Variants in TMEM161B observed in about 807,000 individuals in gnomAD.
TMEM161B encodes transmembrane protein 161B.
A neutral mutation model predicts 61.8 loss-of-function variants in TMEM161B; 34 were observed. That is an observed-to-expected ratio of 0.55 (90% CI 0.42 to 0.73). The LOEUF (loss-of-function observed/expected upper bound fraction) is 0.73, where lower values mean the gene tolerates loss of function less well. TMEM161B is among the 30% of genes least tolerant of loss of function. The pLI, the probability that TMEM161B is intolerant of heterozygous loss-of-function variation, is 0.00. For missense variants in TMEM161B, 456 were observed against 558.5 expected (o/e 0.82, Z 1.85); for synonymous variants, 167 against 192.8 (o/e 0.87, Z 1.11).
chr5:88,191,650 G>A (rs1748868183), downstream of TMEM161B, among the ~76,000 whole-genome samples: 1 of 152,022 alleles, frequency 6.6e-6, no homozygotes, highest in African/African-American at 2.4e-5. Flanking sequence ...AGAGAAATCA[G>A]TTATCAGATT....
intron 8 of TMEM161B, among the ~76,000 whole-genome samples, chr5:88,204,563 C>T (rs1446677262): frequency 6.6e-6 from 1 of 152,128 alleles, no homozygotes; most frequent in African/African-American, 2.4e-5. Flanking sequence ...ACAGCGGTTT[C>T]AGTAGCTTGT....
chr5:88,188,865 T>A (rs991442374), downstream of TMEM161B, among the ~76,000 whole-genome samples: 6 of 152,160 alleles, frequency 3.9e-5, no homozygotes, highest in African/African-American at 1.4e-4. Context: ...GGCCGGGTCA[T>A]CAGTGGCACC....
At chr5:88,206,954 A>C in intron 6 of TMEM161B, 75 bp downstream of exon 6, 1 of 1,305,652 alleles carries the variant, frequency 7.7e-7, no homozygotes, top group Non-Finnish European at 1.1e-6. Context: ...CAGACATAAA[A>C]CTTAAATACT....
chr5:88,250,268 A>G (rs144798095), intron 1 of TMEM161B, among the ~76,000 whole-genome samples: 10 of 152,164 alleles, frequency 6.6e-5, no homozygotes, highest in Non-Finnish European at 1.0e-4. Context: ...TTAGCTTGCC[A>G]GGTTTCTGGT....
At chr5:88,238,392 G>C (rs910794473) in intron 2 of TMEM161B, among the ~76,000 whole-genome samples, 2 of 151,800 alleles carry the variant, frequency 1.3e-5, no homozygotes, top group African/African-American at 4.8e-5. Flanking sequence ...TGGAATAAAT[G>C]AATATTAACA....
At chr5:88,197,966 C>A (rs756165689) in intron 10 of TMEM161B, 12 of 410,864 alleles carry the variant, frequency 2.9e-5, no homozygotes, top group Non-Finnish European at 4.4e-5. Context: ...GTTTTTAGAA[C>A]GTGAGAATAT....
At chr5:88,218,179 A>G (rs935487000) in intron 5 of TMEM161B, among the ~76,000 whole-genome samples, 3 of 152,182 alleles carry the variant, frequency 2.0e-5, no homozygotes, top group African/African-American at 7.2e-5. Flanking sequence ...ATTCTTGGGA[A>G]ACCAGTTGAG....
chr5:88,242,625 T>C (rs1053004589), intron 1 of TMEM161B, among the ~76,000 whole-genome samples: 9 of 151,796 alleles, frequency 5.9e-5, no homozygotes, highest in African/African-American at 2.2e-4. Flanking sequence ...TCAAACATTC[T>C]GCAAGTCTAG....
At chr5:88,266,350 C>G (rs1450779926) in intron 1 of TMEM161B, among the ~76,000 whole-genome samples, 1 of 151,810 alleles carries the variant, frequency 6.6e-6, no homozygotes, top group Non-Finnish European at 1.5e-5. Flanking sequence ...ATCTATGTGA[C>G]TTATGAAAAA....
At chr5:88,244,899 T>G (rs1319051802) in intron 1 of TMEM161B, among the ~76,000 whole-genome samples, 2 of 151,818 alleles carry the variant, frequency 1.3e-5, no homozygotes, top group East Asian at 3.9e-4. Context: ...ATTCTTTTTG[T>G]GGCTATTGTG....
intron 3 of TMEM161B, among the ~76,000 whole-genome samples, chr5:88,226,169 T>C (rs1750020020): frequency 6.6e-6 from 1 of 152,188 alleles, no homozygotes; most frequent in African/African-American, 2.4e-5. Context: ...TACTCTCTTT[T>C]CTCTTTAGGC....
chr5:88,241,887 C>T (rs1225004974), intron 1 of TMEM161B, among the ~76,000 whole-genome samples: 1 of 151,748 alleles, frequency 6.6e-6, no homozygotes. Flanking sequence ...CACCAATAAG[C>T]TCACAAAGTC....
chr5:88,204,466 T>C (rs979952618), intron 8 of TMEM161B, among the ~76,000 whole-genome samples: 8 of 152,162 alleles, frequency 5.3e-5, no homozygotes, highest in African/African-American at 1.9e-4. Context: ...TCCCACAGAC[T>C]GGGTAAACCA....
chr5:88,207,001 G>T, intron 6 of TMEM161B, 28 bp downstream of exon 6: 1 of 1,602,958 alleles, frequency 6.2e-7, no homozygotes, highest in South Asian at 1.1e-5. Context: ...AAGCAAAATT[G>T]ATTTTTAAAG....
rs767637912 is a variant in TMEM161B at position 88,225,781 on chromosome 5, C to G, written c.277G>C (p.Val93Leu). Residue 93 changes from valine to leucine, a missense_variant, in exon 4 of 12, where the codon GTG (valine) becomes CTG (leucine). Around this residue, in one of 3 missense-constraint regions of TMEM161B, gnomAD observed 85 missense variants for 111.2 expected, o/e 0.76. Coordinates refer to ENST00000296595, the MANE Select transcript of TMEM161B (RefSeq NM_153354.5). ...AGATTTCCCTTACCTAAAGTATCCA[C>G]TTCTGTAACTGACTTTGTTTCTAGA... ...LHLETKSVTE[V>L]DTLALHYFPE... 22 of 1,606,706 alleles carry G rather than the reference C, an allele frequency of 1.4e-5. No individual in the cohort carries two copies. The highest frequency in any genetic ancestry group is 1.9e-5 in the Non-Finnish European group (22 of 1,175,154).
intron 1 of TMEM161B, among the ~76,000 whole-genome samples, chr5:88,250,278 T>A (rs988655286): frequency 6.6e-6 from 1 of 152,050 alleles, no homozygotes; most frequent in Non-Finnish European, 1.5e-5. Flanking sequence ...AGGTTTCTGG[T>A]TCCCTCTTCC....
intron 5 of TMEM161B, among the ~76,000 whole-genome samples, chr5:88,218,429 C>T (rs1748310245): frequency 6.6e-6 from 1 of 152,130 alleles, no homozygotes. Flanking sequence ...AAAATTTCAA[C>T]ACACTAGGTG....
chr5:88,267,510 A>G (rs1756547328), intron 1 of TMEM161B, among the ~76,000 whole-genome samples: 1 of 152,186 alleles, frequency 6.6e-6, no homozygotes, highest in Admixed American at 6.5e-5. Flanking sequence ...CCCTGAAAAT[A>G]TAAGACAAAC....
At chr5:88,225,440 T>A (rs1749888649) in intron 4 of TMEM161B, among the ~76,000 whole-genome samples, 1 of 152,130 alleles carries the variant, frequency 6.6e-6, no homozygotes, top group Non-Finnish European at 1.5e-5. Context: ...AATGCAGTTT[T>A]GCAAGCCACA....
Sources: allele counts gnomAD v4.1 joint callset (sites outside exome capture counted in the v4.1 genomes callset), GRCh38; gene constraint gnomAD v4.1.1; regional missense constraint gnomAD v4.1.1; transcripts MANE v1.5; gene names NCBI Gene and HGNC (gene_info 2026-07-23, HGNC 2026-07-21).